TNFSF14: variants seen among roughly 807,000 people sequenced by gnomAD.
TNFSF14 encodes tumor necrosis factor ligand superfamily member 14.
Under a neutral mutation model 22.7 loss-of-function variants are expected in TNFSF14, and 15 were observed. That is an observed-to-expected ratio of 0.66 (90% CI 0.44 to 1.02). The LOEUF (loss-of-function observed/expected upper bound fraction) is 1.02. Among genes scored for constraint, TNFSF14 ranks in the 50% least tolerant of loss-of-function variants. The probability of loss-of-function intolerance (pLI) is 0.00; values close to 1 mark genes in which losing one functional copy is unlikely to be tolerated. For missense variants in TNFSF14, 287 were observed against 326.2 expected, an observed-to-expected ratio of 0.88 and a Z score of 0.93; for synonymous variants, 133 against 139.6, an observed-to-expected ratio of 0.95 and a Z score of 0.33.
Position 6,664,921 on chromosome 19 carries a change from T to C in TNFSF14, c.*5A>G, listed in dbSNP as rs1422885362. ...ACCCATGTCCAATGCACCACGCTCC[T>C]TCCTTCACACCATGAAAGCCCCGAA... On this transcript the variant is annotated 3_prime_UTR_variant, in exon 4 of 4. Transcript: ENST00000675206. This position sits in a 1 kb window ranked among gnomAD's most constrained non-coding sequence, Gnocchi z 4.7. 6.3e-7 allele frequency: 1 copy of C among 1,580,452 alleles called. No homozygotes were observed. The highest frequency in any genetic ancestry group is 8.6e-7 in the Non-Finnish European group (1 of 1,158,510).
chr19:6,666,604 A>C (rs879908815), intron 3 of TNFSF14, among the ~76,000 whole-genome samples: 12 of 152,222 alleles, frequency 7.9e-5, no homozygotes, highest in East Asian at 1.9e-4. Context: ...TCATTAAATT[A>C]ATAAAACTAG....
At position 6,664,826 on chromosome 19, in the gene TNFSF14, C is replaced by T; in HGVS notation, c.*100G>A. ...AAGTGCTGGGATTACAGGCGAGAGC[C>T]ACCACGCCCAGCCTCTGCTTCGTGA... is the stretch of plus-strand genomic sequence containing the variant. On this transcript the variant is annotated 3_prime_UTR_variant, in exon 4 of 4. Coordinates refer to ENST00000675206, the MANE Select transcript of TNFSF14 (RefSeq NM_001376887.1). The surrounding 1 kb of genome is among the most constrained non-coding windows in gnomAD (Gnocchi z 4.7). 1.4e-6 allele frequency: 2 copies of T among 1,447,156 alleles called. No homozygotes were observed. Among genetic ancestry groups the T allele is most frequent in the South Asian group, 2.7e-5 (2 of 74,090 alleles). 89.6% of individuals were successfully genotyped at this position (1,447,156 alleles called of 1,614,324 possible). A position where few individuals can be genotyped will look rare whatever the true frequency, so the allele number is the denominator to read the frequency against.
rs765562359 is a variant in TNFSF14, at chr19:6,669,902, C to A, written c.168G>T (p.Trp56Cys). The change falls in exon 1 of 4, where the codon TGG becomes TGT. Residue 56 changes from tryptophan (W) to cysteine (C), a missense_variant. Trp to Cys is a radical substitution (Grantham distance 215). Transcript: ENST00000675206. ...GACGCCAGTGCAGCTGCAGGAGGAA[C>A]CAGCCTTGGACGGCCAGCCCGGCCC... is the stretch of plus-strand genomic sequence containing the variant. ...LMGAGLAVQG[W>C]FLLQLHWRLG... is the part of the protein sequence containing the mutation. 1.9e-6 allele frequency: 3 copies of A among 1,613,758 alleles called. No individual in the cohort carries two copies. The highest frequency in any genetic ancestry group is 2.5e-6 in the Non-Finnish European group (3 of 1,180,004).
intron 2 of TNFSF14, 121 bp downstream of exon 2, chr19:6,667,292 G>C (rs1599487627): frequency 4.9e-6 from 7 of 1,439,714 alleles, no homozygotes; most frequent in Non-Finnish European, 6.5e-6. Context: ...CTCAGGCCTG[G>C]GGGAGGGGCA....
rs1041948025 is a variant in TNFSF14, at chr19:6,666,969, A to G, written c.298+144T>C. 5 of 489,710 alleles carry G rather than the reference A, an allele frequency of 1.0e-5. No homozygotes were observed. The East Asian group carries it at 1.6e-4, about 15-fold the overall frequency. The allele number at this position is 489,710 out of a possible 1,614,324, so 30.3% of individuals were successfully genotyped here. A position where few individuals can be genotyped will look rare whatever the true frequency, so the allele number is the denominator to read the frequency against. On this transcript the variant is annotated intron_variant, in intron 3 of 3. Coordinates refer to ENST00000675206, the MANE Select transcript of TNFSF14 (RefSeq NM_001376887.1). ...ATAAAATAAATAAAACTGGAAATAC[A>G]TAGCACTTGCAGCCTATGTTCTGAG...
rs576869545 is a variant in TNFSF14 at position 6,666,846 on chromosome 19, C to T, written c.298+267G>A. Among the ~76,000 whole-genome samples the T allele has an allele frequency of 7.9e-4, 120 of 151,520 alleles. 1 individual carries two copies. In the Middle Eastern group the frequency reaches 0.017, roughly 22 times the overall value. On this transcript the variant is annotated intron_variant, in intron 3 of 3. Coordinates refer to ENST00000675206, the MANE Select transcript of TNFSF14 (RefSeq NM_001376887.1). ...CCGGGAGGCGAAGACTGCAGTGAGCCGAGATCATGCCACTGCACCCCAGCC... is the reference window on the plus strand; with the variant it reads ...CCGGGAGGCGAAGACTGCAGTGAGCTGAGATCATGCCACTGCACCCCAGCC...
chr19:6,670,172 C>T, upstream of TNFSF14: 1 of 1,507,652 alleles, frequency 6.6e-7, no homozygotes, highest in Non-Finnish European at 8.9e-7. Context: ...CGGACAGGCA[C>T]CCGTGGGCCG....
At position 6,663,980 on chromosome 19, in the gene TNFSF14, T is replaced by C. The variant is rs982300163; in HGVS notation, c.*946A>G. ...GGTGGTAGCATTTACACCATGGAAA[T>C]TGGCAAACATTACAAAGCTGTCCCC... On this transcript the variant is annotated 3_prime_UTR_variant, in exon 4 of 4. Transcript: ENST00000675206. 3.9e-5 allele frequency: 6 copies of C among 152,150 alleles called. No homozygotes were observed. Among genetic ancestry groups the C allele is most frequent in the African/African-American group, 1.4e-4 (6 of 41,424 alleles). The allele number at this position is 152,150 out of a possible 1,614,324, so 9.4% of individuals were successfully genotyped here. A position where few individuals can be genotyped will look rare whatever the true frequency, so the allele number is the denominator to read the frequency against.
rs1599484043 is a variant in TNFSF14, at chr19:6,663,829, C to T, written c.*1097G>A. On this transcript the variant is annotated 3_prime_UTR_variant, in exon 4 of 4. Coordinates refer to ENST00000675206, the MANE Select transcript of TNFSF14 (RefSeq NM_001376887.1). The stretch of plus-strand genomic sequence containing the variant: ...AGGTGTGACTGTAGAGTCATTCTTC[C>T]TTCCTTTCAATCAGCAAGCATTTCC... 6.6e-6 allele frequency: 1 copy of T among 152,232 alleles called. No homozygotes were observed. The highest frequency in any genetic ancestry group is 1.9e-4 in the East Asian group (1 of 5,198). 9.4% of individuals were successfully genotyped at this position (152,232 alleles called of 1,614,324 possible).
At position 6,663,212 on chromosome 19, in the gene TNFSF14, C is replaced by G. The variant is rs1018452609; in HGVS notation, c.*1714G>C. ...CCAGGGTTATGAACAAGGTCTGGTCCTCACCCCGAGATGTGTTAGTCTGGG... is the reference window on the plus strand; with the variant it reads ...CCAGGGTTATGAACAAGGTCTGGTCGTCACCCCGAGATGTGTTAGTCTGGG... On this transcript the variant is annotated 3_prime_UTR_variant, in exon 4 of 4. Transcript: ENST00000675206. The G allele has an allele frequency of 1.3e-5, 2 of 152,278 alleles. No individual in the cohort carries two copies. The highest frequency in any genetic ancestry group is 2.9e-5 in the Non-Finnish European group (2 of 68,100). The allele number at this position is 152,278 out of a possible 1,614,324, so 9.4% of individuals were successfully genotyped here.
At chr19:6,668,938 G>A (rs769457310) in intron 1 of TNFSF14, among the ~76,000 whole-genome samples, 4 of 152,210 alleles carry the variant, frequency 2.6e-5, no homozygotes, top group Admixed American at 6.5e-5. Flanking sequence ...GCAGCTAGGC[G>A]GGTGTGTGGA....
At chr19:6,667,587 C>G (rs928442836) in intron 1 of TNFSF14, 138 bp from the exon 2 acceptor site, 96 of 877,424 alleles carry the variant, frequency 1.1e-4, no homozygotes, top group Non-Finnish European at 1.6e-4. Context: ...CACATACTCT[C>G]ACTTGCAGAC....
In TNFSF14 at chr19:6,665,439, C is replaced by T. The variant is rs116096463; in HGVS notation, c.299-89G>A. On this transcript the variant is annotated intron_variant, in intron 3 of 3. Transcript: ENST00000675206. The stretch of plus-strand genomic sequence containing the variant: ...TGTTTGTTTGTTTGACACAGAGTCT[C>T]GCTCTGTGGACCAGGCTGGAGTGTG... 979 of 1,349,200 alleles carry T rather than the reference C, an allele frequency of 7.3e-4. 5 individuals carry two copies. The African/African-American group carries it at 0.012, about 17-fold the overall frequency. 83.6% of individuals were successfully genotyped at this position (1,349,200 alleles called of 1,614,324 possible). A position where few individuals can be genotyped will look rare whatever the true frequency, so the allele number is the denominator to read the frequency against.
At chr19:6,670,307 G>A, upstream of TNFSF14, 1 of 1,354,002 alleles carries the variant, frequency 7.4e-7, no homozygotes, top group Non-Finnish European at 9.5e-7. Context: ...CTTTCCAGAG[G>A]CTTCTGAAAA....
Position 6,669,881 on chromosome 19 carries a change from C to T in TNFSF14, c.189G>A (p.Trp63Ter). The T allele has an allele frequency of 6.2e-7, 1 of 1,613,410 alleles. No individual in the cohort carries two copies. Among genetic ancestry groups the T allele is most frequent in the Non-Finnish European group, 8.5e-7 (1 of 1,179,976 alleles). Residue 63 changes from tryptophan to a stop codon, truncating the protein, a stop_gained, in exon 1 of 4, where the codon TGG becomes TGA. Coordinates refer to ENST00000675206, the MANE Select transcript of TNFSF14 (RefSeq NM_001376887.1). LOFTEE classifies it high-confidence loss of function. ...VQGWFLLQLH[W>*]RLGEMVTRLP... ...GGCGGGTGACCATCTCTCCTAGACGCCAGTGCAGCTGCAGGAGGAACCAGC... is the reference window on the plus strand; with the variant it reads ...GGCGGGTGACCATCTCTCCTAGACGTCAGTGCAGCTGCAGGAGGAACCAGC...
chr19:6,668,708 CA>C (rs56998273), intron 1 of TNFSF14, among the ~76,000 whole-genome samples: 374 of 138,940 alleles, frequency 2.7e-3, no homozygotes, highest in African/African-American at 2.9e-3. Context: ...AACCTTGTCT[CA>C]AAAAAAAAAA....
chr19:6,665,277 C>A lies in TNFSF14; in HGVS notation c.372G>T (p.Arg124Ser), dbSNP rs758922231. The A allele has an allele frequency of 8.1e-6, 13 of 1,613,280 alleles. No individual in the cohort carries two copies. Among genetic ancestry groups the A allele is most frequent in the Admixed American group, 1.7e-5 (1 of 59,964 alleles). ...WETQLGLAFL[R>S]GLSYHDGALV... ...GGGCCCCATCGTGGTAGCTGAGGCC[C>A]CTCAGGAAGGCCAGGCCCAGCTGAG... is the stretch of plus-strand genomic sequence containing the variant. The change falls in exon 4 of 4, where the codon AGG (arginine) becomes AGT (serine). Residue 124 changes from arginine to serine, a missense_variant. Coordinates refer to ENST00000675206, the MANE Select transcript of TNFSF14 (RefSeq NM_001376887.1).
chr19:6,666,493 T>C (rs1398937601), intron 3 of TNFSF14, among the ~76,000 whole-genome samples: 2 of 152,060 alleles, frequency 1.3e-5, no homozygotes, highest in African/African-American at 4.8e-5. Context: ...TTTCCCTCTC[T>C]GTAAAATGCG....
intron 2 of TNFSF14, 80 bp downstream of exon 2, chr19:6,667,333 A>G (rs1240905059): frequency 1.3e-6 from 2 of 1,483,244 alleles, no homozygotes; most frequent in Admixed American, 2.6e-5. Context: ...TGTGCAAATC[A>G]TATTGGGCAA....
Sources: gnomAD v4.1 joint callset for allele counts (sites outside exome capture counted in the v4.1 genomes callset) on GRCh38, gnomAD v4.1.1 for gene constraint, Gnocchi (gnomAD v3.1) non-coding constraint, MANE v1.5 for transcripts, NCBI Gene and HGNC (gene_info 2026-07-23, HGNC 2026-07-21) for gene names.